HEXD: variants seen among roughly 807,000 people sequenced by gnomAD.
HEXD encodes N-acetyl-beta-galactosaminidase.
HEXD carries 47 observed loss-of-function variants against 54.2 expected under a neutral mutation model. That is an observed-to-expected ratio of 0.87 (90% confidence interval 0.69 to 1.11). The LOEUF (loss-of-function observed/expected upper bound fraction) is 1.11, where lower values mean the gene tolerates loss of function less well. Among genes scored for constraint, HEXD ranks in the 50% least tolerant of loss-of-function variants. The pLI is 0.00. For missense variants in HEXD, 576 were observed against 649.2 expected (o/e 0.89, Z 1.23); for synonymous variants, 293 against 287.6 (o/e 1.02, Z -0.19).
chr17:82,438,268 A>G (rs1194718479), intron 8 of HEXD, among the ~76,000 whole-genome samples: 1 of 152,174 alleles, frequency 6.6e-6, no homozygotes, highest in African/African-American at 2.4e-5. Context: ...TCTATGATTT[A>G]AAGAAAACTG....
chr17:82,439,261 G>A (rs576426960), intron 8 of HEXD, among the ~76,000 whole-genome samples: 1 of 152,188 alleles, frequency 6.6e-6, no homozygotes, highest in Non-Finnish European at 1.5e-5. Context: ...GCCCTAGGAG[G>A]GGGGCGTCAA....
intron 4 of HEXD, among the ~76,000 whole-genome samples, chr17:82,432,700 C>T (rs1382504930): frequency 6.6e-6 from 1 of 151,974 alleles, no homozygotes; most frequent in African/African-American, 2.4e-5. Context: ...CTTCAGCCTC[C>T]CAAGTAGCTG....
intron 2 of HEXD, among the ~76,000 whole-genome samples, chr17:82,421,501 C>T (rs561052850): frequency 4.6e-5 from 7 of 152,298 alleles, no homozygotes; most frequent in Non-Finnish European, 7.4e-5. Context: ...GCTGGCCTGT[C>T]ACCATTGCAA....
chr17:82,431,634 G>A (rs550280898), intron 4 of HEXD, among the ~76,000 whole-genome samples: 1 of 151,996 alleles, frequency 6.6e-6, no homozygotes, highest in Non-Finnish European at 1.5e-5. Flanking sequence ...AACTGATCTC[G>A]TCGAACTCCT....
rs767287246 is a variant in HEXD at position 82,428,630 on chromosome 17, A to G, written c.267A>G (p.Thr89=). The G allele has an allele frequency of 1.2e-6, 2 of 1,612,996 alleles. No homozygotes were observed. The highest frequency in any genetic ancestry group is 1.3e-5 in the African/African-American group (1 of 74,896). The change falls in exon 4 of 13, where the codon ACA becomes ACG. Residue 89 remains threonine, a synonymous_variant. Transcript: ENST00000327949. ...NELEVIPLVQ[T]FGHMEFVLKH... Reference sequence around the variant, plus strand: ...TGGAGGTGATTCCCTTGGTGCAGACATTTGGACACATGGAGGTGAGTGGCA... The same window carrying G: ...TGGAGGTGATTCCCTTGGTGCAGACGTTTGGACACATGGAGGTGAGTGGCA...
chr17:82,422,130 C>T lies in HEXD; in HGVS notation c.84+2247C>T, dbSNP rs543369671. ...GCAGTAAGCCGAGATTGTGCCACTG[C>T]GCTCCAGCCTGGGTGACAAGAGTGA... On this transcript the variant is annotated intron_variant, in intron 2 of 12. Coordinates refer to ENST00000327949, the MANE Select transcript of HEXD (RefSeq NM_001330542.2). Among the ~76,000 whole-genome samples, 269 of 149,190 alleles carry T rather than the reference C, an allele frequency of 1.8e-3. 1 individual carries two copies. Among genetic ancestry groups the T allele is most frequent in the Middle Eastern group, 0.017 (5 of 288 alleles).
At chr17:82,428,467 C>T (rs897839645) in intron 3 of HEXD, 91 bp from the exon 4 acceptor site, 39 of 1,085,050 alleles carry the variant, frequency 3.6e-5, no homozygotes, top group Non-Finnish European at 4.8e-5. Flanking sequence ...CGGAGAGCCC[C>T]CCAGGGCCTG....
In HEXD at chr17:82,424,413, C is replaced by T. The variant is rs200899503; in HGVS notation, c.104C>T (p.Ala35Val). The change falls in exon 3 of 13, where the codon GCG (alanine) becomes GTG (valine). Residue 35 changes from alanine to valine, a missense_variant. Coordinates refer to ENST00000327949, the MANE Select transcript of HEXD (RefSeq NM_001330542.2). ...CCCCAGATTTTTCCTCTGTTCCGTGCGCTAGGTGCAAACGGCCTCCTCATT... is the reference window on the plus strand; with the variant it reads ...CCCCAGATTTTTCCTCTGTTCCGTGTGCTAGGTGCAAACGGCCTCCTCATT... ...YLSEIFPLFR[A>V]LGANGLLIEY... 6.9e-5 allele frequency: 112 copies of T among 1,613,712 alleles called. No homozygotes were observed. The highest frequency in any genetic ancestry group is 6.4e-5 in the Non-Finnish European group (75 of 1,179,756).
rs1487789630 is a variant in HEXD at position 82,435,724 on chromosome 17, G to T, written c.483G>T (p.Arg161=). 6.2e-7 allele frequency: 1 copy of T among 1,612,742 alleles called. No homozygotes were observed. The highest frequency in any genetic ancestry group is 1.1e-5 in the South Asian group (1 of 91,072). The stretch of plus-strand genomic sequence containing the variant: ...TCGGAGAGGGGGAGGCCTCGCGCCG[G>T]TGGCTACAGCAAGAGCAGAACAGCA... The part of the protein sequence containing the change: ...YYLGEGEASR[R]WLQQEQNSTG... Residue 161 remains arginine, a synonymous_variant, in exon 6 of 13, where the codon CGG becomes CGT. Coordinates refer to ENST00000327949, the MANE Select transcript of HEXD (RefSeq NM_001330542.2).
intron 9 of HEXD, 96 bp from the exon 10 acceptor site, chr17:82,440,901 G>C (rs960227425): frequency 1.4e-6 from 2 of 1,394,982 alleles, no homozygotes; most frequent in Non-Finnish European, 2.0e-6. Flanking sequence ...ATTGCCGCCC[G>C]CCCACTGCCC....
rs527949734 is a variant in HEXD at position 82,418,418 on chromosome 17, C to G, written c.-374C>G. 16 of 1,478,870 alleles carry G rather than the reference C, an allele frequency of 1.1e-5. No individual in the cohort carries two copies. Among genetic ancestry groups the G allele is most frequent in the East Asian group, 3.0e-5 (1 of 33,720 alleles). The allele number at this position is 1,478,870 out of a possible 1,614,324, so 91.6% of individuals were successfully genotyped here. Reference sequence around the variant, plus strand: ...TTCCCCTCCTCACCGCTACCTGCTCCGGTTCCGGCGCTCGGCCGCTCCGTT... The same window carrying G: ...TTCCCCTCCTCACCGCTACCTGCTCGGGTTCCGGCGCTCGGCCGCTCCGTT... On this transcript the variant is annotated 5_prime_UTR_variant, in exon 1 of 13. Transcript: ENST00000327949.
intron 4 of HEXD, among the ~76,000 whole-genome samples, chr17:82,430,415 G>T (rs570216786): frequency 2.6e-5 from 4 of 152,138 alleles, no homozygotes; most frequent in Non-Finnish European, 5.9e-5. Flanking sequence ...TTGAGACAGG[G>T]TCTCACTCTG....
At position 82,441,900 on chromosome 17, in the gene HEXD, G is replaced by A; in HGVS notation, c.1253+11G>A. 1 of 1,612,092 alleles carries A rather than the reference G, an allele frequency of 6.2e-7. No homozygotes were observed. The highest frequency in any genetic ancestry group is 8.5e-7 in the Non-Finnish European group (1 of 1,179,384). On this transcript the variant is annotated intron_variant, in intron 12 of 12. Coordinates refer to ENST00000327949, the MANE Select transcript of HEXD (RefSeq NM_001330542.2). ...GCCCGCAGCGCTCAGGTGAGGCCCTGGGCTCTTATAGGCCGTGCAGCCATG... is the reference window on the plus strand; with the variant it reads ...GCCCGCAGCGCTCAGGTGAGGCCCTAGGCTCTTATAGGCCGTGCAGCCATG...
intron 3 of HEXD, among the ~76,000 whole-genome samples, chr17:82,425,281 GGTT>G (rs1396937140): frequency 1.3e-5 from 2 of 150,940 alleles, no homozygotes; most frequent in Non-Finnish European, 3.0e-5. Context: ...CTGGGCTAGA[GGTT>G]AGAGAAGGCT....
intron 7 of HEXD, 69 bp from the exon 8 acceptor site, chr17:82,437,099 G>A (rs756921842): frequency 1.8e-4 from 254 of 1,373,980 alleles, no homozygotes; most frequent in Non-Finnish European, 1.2e-4. Context: ...GTACAGCCCC[G>A]GGAGGCGTGT....
intron 7 of HEXD, 65 bp from the exon 8 acceptor site, chr17:82,437,103 G>C: frequency 7.2e-7 from 1 of 1,387,480 alleles, no homozygotes; most frequent in Non-Finnish European, 9.9e-7. Flanking sequence ...AGCCCCGGGA[G>C]GCGTGTCCAG....
intron 4 of HEXD, among the ~76,000 whole-genome samples, chr17:82,429,466 TC>T (rs2053515573): frequency 6.6e-6 from 1 of 152,072 alleles, no homozygotes; most frequent in African/African-American, 2.4e-5. Context: ...CCACCGGAGT[TC>T]CTTCCCACAG....
chr17:82,435,825 T>C lies in HEXD; in HGVS notation c.584T>C (p.Leu195Pro), dbSNP rs749685407. The C allele has an allele frequency of 3.7e-5, 59 of 1,612,152 alleles. No individual in the cohort carries two copies. The South Asian group carries it at 6.2e-4, about 17-fold the overall frequency. Residue 195 changes from leucine (L) to proline (P), a missense_variant, in exon 6 of 13, where the codon CTG becomes CCG. Transcript: ENST00000327949. ...VKARRPSVTP[L>P]VWDDMLRDLP... ...GCCCGGCGCCCCAGCGTGACACCCCTGGTGTGGGACGACATGCTCCGAGAC... is the reference window on the plus strand; with the variant it reads ...GCCCGGCGCCCCAGCGTGACACCCCCGGTGTGGGACGACATGCTCCGAGAC...
intron 2 of HEXD, 70 bp from the exon 3 acceptor site, chr17:82,424,324 C>T: frequency 1.0e-6 from 1 of 963,472 alleles, no homozygotes; most frequent in East Asian, 2.4e-5. Context: ...AAGGCGTCTC[C>T]CTGCTGTGGA....
Sources: gnomAD v4.1 joint callset for allele counts (sites outside exome capture counted in the v4.1 genomes callset) on GRCh38, gnomAD v4.1.1 for gene constraint, MANE v1.5 for transcripts, NCBI Gene and HGNC (gene_info 2026-07-23, HGNC 2026-07-21) for gene names.